AGBL1: variants seen among roughly 807,000 people sequenced by gnomAD.
AGBL1 encodes the protein cytosolic carboxypeptidase 4.
A neutral mutation model predicts 118.9 loss-of-function variants in AGBL1; 130 were observed. The ratio of observed to expected loss-of-function variants is 1.09; its 90% CI spans 0.95 to 1.26. AGBL1 has a LOEUF of 1.26. Ranked by LOEUF, AGBL1 falls within the 50% of genes most tolerant of loss-of-function variation. AGBL1 has a pLI of 0.00. For synonymous variants in AGBL1, 555 were observed against 478.9 expected, an observed-to-expected ratio of 1.16 and a Z score of -2.08; for missense variants, 1,584 against 1,298.1, an observed-to-expected ratio of 1.22 and a Z score of -3.38.
intron 22 of AGBL1, among the ~76,000 whole-genome samples, chr15:86,875,144 A>G (rs2079788994): frequency 6.6e-6 from 1 of 152,202 alleles, no homozygotes; most frequent in South Asian, 2.1e-4. Flanking sequence ...ACGTGTCACA[A>G]TTTCTCTTCC....
intron 22 of AGBL1, among the ~76,000 whole-genome samples, chr15:86,792,771 A>G (rs536236425): frequency 7.9e-5 from 12 of 152,282 alleles, no homozygotes; most frequent in South Asian, 4.1e-4. Flanking sequence ...GCAAAACCCC[A>G]TCTCTATTTT....
At chr15:86,979,658 T>TTTTG (rs1410995176) in intron 23 of AGBL1, among the ~76,000 whole-genome samples, 5 of 151,624 alleles carry the variant, frequency 3.3e-5, no homozygotes, top group African/African-American at 1.2e-4. Context: ...CCGGCTAATT[T>TTTTG]TTTGTTTGTT....
At chr15:86,333,871 T>G (rs1320250083) in intron 17 of AGBL1, among the ~76,000 whole-genome samples, 1 of 152,204 alleles carries the variant, frequency 6.6e-6, no homozygotes, top group Non-Finnish European at 1.5e-5. Context: ...GAAGCAAGGT[T>G]GGTTCAACAT....
intron 22 of AGBL1, among the ~76,000 whole-genome samples, chr15:86,811,849 C>A (rs1425190438): frequency 6.6e-6 from 1 of 152,188 alleles, no homozygotes; most frequent in Non-Finnish European, 1.5e-5. Flanking sequence ...CACAAGTCAA[C>A]TTTTGGGTTT....
intron 22 of AGBL1, among the ~76,000 whole-genome samples, chr15:86,788,033 G>T (rs1317179450): frequency 2.6e-5 from 4 of 152,150 alleles, no homozygotes; most frequent in Non-Finnish European, 4.4e-5. Flanking sequence ...AGGGAACAAA[G>T]AAATGTACAT....
chr15:86,958,068 T>C (rs1312555284), intron 23 of AGBL1, among the ~76,000 whole-genome samples: 3 of 151,706 alleles, frequency 2.0e-5, no homozygotes, highest in Non-Finnish European at 4.4e-5. Context: ...TAGCCGATTG[T>C]GTGTCATACA....
At chr15:87,011,619 AG>A in intron 24 of AGBL1, among the ~76,000 whole-genome samples, 1 of 152,300 alleles carries the variant, frequency 6.6e-6, no homozygotes, top group Non-Finnish European at 1.5e-5. Context: ...TATAGGAAAA[AG>A]GGATCTACCA....
chr15:86,972,909 A>T (rs762314463), intron 23 of AGBL1, among the ~76,000 whole-genome samples: 2 of 152,038 alleles, frequency 1.3e-5, no homozygotes, highest in African/African-American at 2.4e-5. Context: ...CTTCACCCAG[A>T]ATCAAATTTC....
At chr15:86,293,735 A>G (rs1008388985) in intron 16 of AGBL1, among the ~76,000 whole-genome samples, 5 of 152,134 alleles carry the variant, frequency 3.3e-5, no homozygotes, top group Non-Finnish European at 5.9e-5. Flanking sequence ...TTTTGAAGAC[A>G]CTACTTCCCT....
intron 23 of AGBL1, among the ~76,000 whole-genome samples, chr15:86,967,261 T>C (rs1383087605): frequency 6.6e-6 from 1 of 152,160 alleles, no homozygotes; most frequent in East Asian, 1.9e-4. Context: ...AAAAATTTCC[T>C]CCCATTCTGT....
intron 19 of AGBL1, among the ~76,000 whole-genome samples, chr15:86,532,118 G>T (rs1182494636): frequency 6.6e-6 from 1 of 150,748 alleles, no homozygotes; most frequent in African/African-American, 2.4e-5. Context: ...AGGGCAATCA[G>T]GCAGGAGAAG....
At chr15:86,679,605 AT>A (rs1377625679) in intron 22 of AGBL1, among the ~76,000 whole-genome samples, 3 of 151,968 alleles carry the variant, frequency 2.0e-5, no homozygotes, top group Non-Finnish European at 2.9e-5. Context: ...AGGCTGAGGC[AT>A]TTATGAGCAT....
intron 22 of AGBL1, among the ~76,000 whole-genome samples, chr15:86,806,261 G>T (rs1449222075): frequency 2.0e-5 from 3 of 152,134 alleles, no homozygotes; most frequent in Non-Finnish European, 4.4e-5. Context: ...AAACTGGAAT[G>T]ATCTCCACCA....
chr15:86,390,899 A>C (rs2081270281), intron 17 of AGBL1, among the ~76,000 whole-genome samples: 3 of 151,626 alleles, frequency 2.0e-5, no homozygotes, highest in Admixed American at 2.0e-4. Flanking sequence ...TGAAATCCTG[A>C]CCTCAGGTGA....
At chr15:86,241,353 G>A (rs4887420) in intron 6 of AGBL1, among the ~76,000 whole-genome samples, 12,978 of 152,192 alleles carry the variant, frequency 0.085, 912 homozygotes, top group African/African-American at 0.18. Flanking sequence ...TATGTTTTCA[G>A]TTCTTATAAT....
rs189681022 is a variant in AGBL1, at chr15:86,891,745, A to G, written c.3159-15342A>G. Among the ~76,000 whole-genome samples, 187 of 152,236 alleles carry G rather than the reference A, an allele frequency of 1.2e-3. 1 individual carries two copies. Among genetic ancestry groups the G allele is most frequent in the South Asian group, 0.011 (53 of 4,822 alleles). ...CATTATGACCTTGATTTTGATACCTATACGAATTTGTTAACTTCTCCTGGT... is the reference window on the plus strand; with the variant it reads ...CATTATGACCTTGATTTTGATACCTGTACGAATTTGTTAACTTCTCCTGGT... On this transcript the variant is annotated intron_variant, in intron 22 of 22. Coordinates refer to ENST00000614907, the MANE Select transcript of AGBL1 (RefSeq NM_001386094.1).
intron 22 of AGBL1, among the ~76,000 whole-genome samples, chr15:86,736,835 C>T (rs994162786): frequency 1.4e-4 from 21 of 152,206 alleles, no homozygotes; most frequent in Non-Finnish European, 2.9e-4. Flanking sequence ...CTCCCTTCAG[C>T]CTCTTATTTT....
chr15:86,542,815 T>A (rs11852299), intron 19 of AGBL1, among the ~76,000 whole-genome samples: 1 of 151,986 alleles, frequency 6.6e-6, no homozygotes, highest in East Asian at 1.9e-4. Flanking sequence ...GATGTCTACT[T>A]TATCTGATAA....
At chr15:86,384,924 A>T (rs1369062705) in intron 17 of AGBL1, among the ~76,000 whole-genome samples, 1 of 152,122 alleles carries the variant, frequency 6.6e-6, no homozygotes, top group Non-Finnish European at 1.5e-5. Context: ...TCTGTTATTC[A>T]TTTTCTCAGT....
Sources: allele counts gnomAD v4.1 joint callset (sites outside exome capture counted in the v4.1 genomes callset), GRCh38; gene constraint gnomAD v4.1.1; transcripts MANE v1.5; gene names NCBI Gene and HGNC (gene_info 2026-07-23, HGNC 2026-07-21).